The following GRM4 variants were observed in gnomAD, a reference collection of about 807,000 sequenced individuals.
GRM4 encodes metabotropic glutamate receptor 4.
In GRM4, 28 loss-of-function variants were observed where a neutral mutation model predicts 81.7. The observed-to-expected ratio is 0.34, with a 90% CI of 0.25 to 0.47. GRM4 has a LOEUF of 0.47. Among genes scored for constraint, GRM4 ranks in the 20% least tolerant of loss-of-function variants. The pLI is 1.00. For missense variants in GRM4, 948 were observed against 1,290.0 expected (o/e 0.73, Z 4.06); for synonymous variants, 488 against 528.8 (o/e 0.92, Z 1.06).
intron 2 of GRM4, among the ~76,000 whole-genome samples, chr6:34,094,778 G>T (rs976277578): frequency 3.9e-4 from 60 of 152,150 alleles, no homozygotes; most frequent in Non-Finnish European, 7.8e-4. Flanking sequence ...CCTCCCACCA[G>T]TCCTTGATTC....
chr6:34,050,083 A>G (rs1047610342), intron 6 of GRM4, among the ~76,000 whole-genome samples: 1 of 152,084 alleles, frequency 6.6e-6, no homozygotes, highest in Non-Finnish European at 1.5e-5. Context: ...TTGCTCCCCC[A>G]TGACCCTATC....
chr6:34,084,565 A>C (rs1223440813), intron 3 of GRM4, among the ~76,000 whole-genome samples: 2 of 152,142 alleles, frequency 1.3e-5, no homozygotes, highest in Non-Finnish European at 2.9e-5. Flanking sequence ...CAGGGCCCTG[A>C]GCAAGTTAGG....
rs1166630090 is a variant in GRM4, at chr6:34,022,352, C to T, written c.*469G>A. 2.9e-5 allele frequency: 5 copies of T among 171,982 alleles called. No homozygotes were observed. The highest frequency in any genetic ancestry group is 5.0e-5 in the Non-Finnish European group (4 of 80,532). 10.7% of individuals were successfully genotyped at this position (171,982 alleles called of 1,614,324 possible). A position where few individuals can be genotyped will look rare whatever the true frequency, so the allele number is the denominator to read the frequency against. The stretch of plus-strand genomic sequence containing the variant: ...GGACAAAGAGGATGAGAGAGAGAGG[C>T]GGAGGCAAGAGCCAGAAAGGAGACA... On this transcript the variant is annotated 3_prime_UTR_variant, in exon 11 of 11. Coordinates refer to ENST00000538487, the MANE Select transcript of GRM4 (RefSeq NM_000841.4). The surrounding 1 kb of genome is among the most constrained non-coding windows in gnomAD (Gnocchi z 5.6).
In GRM4 at chr6:34,036,146, C is replaced by T. The variant is rs1185218379; in HGVS notation, c.1964G>A (p.Arg655His). ...CATCCCTAGTCCCAGGAAGATTCGGCGCAGCGAGCAGGTGCCAAGGTCGGG... is the reference window on the plus strand; with the variant it reads ...CATCCCTAGTCCCAGGAAGATTCGGTGCAGCGAGCAGGTGCCAAGGTCGGG... Reference protein sequence around the residue: ...AEPDLGTCSLRRIFLGLGMSI... With the variant: ...AEPDLGTCSLHRIFLGLGMSI... Residue 655 changes from arginine (R) to histidine (H), a missense_variant, in exon 9 of 11, where the codon CGC becomes CAC. Arg to His is a conservative substitution (Grantham distance 29, BLOSUM62 0). Coordinates refer to ENST00000538487, the MANE Select transcript of GRM4 (RefSeq NM_000841.4). This position sits in a 1 kb window ranked among gnomAD's most constrained non-coding sequence, Gnocchi z 9.0. 6 of 1,614,032 alleles carry T rather than the reference C, an allele frequency of 3.7e-6. No homozygotes were observed. Among genetic ancestry groups the T allele is most frequent in the African/African-American group, 1.3e-5 (1 of 74,910 alleles).
At chr6:34,132,206 G>A (rs577409385) in intron 2 of GRM4, among the ~76,000 whole-genome samples, 1 of 152,128 alleles carries the variant, frequency 6.6e-6, no homozygotes, top group Non-Finnish European at 1.5e-5. Context: ...AGAAGGAAAG[G>A]GAGAAAGGTG....
At chr6:34,032,028 C>T (rs138982293) in intron 9 of GRM4, among the ~76,000 whole-genome samples, 4 of 151,358 alleles carry the variant, frequency 2.6e-5, no homozygotes, top group Non-Finnish European at 5.9e-5. Context: ...CACACATATA[C>T]ATAGACACAA....
At chr6:34,085,077 G>T (rs1767816791) in intron 3 of GRM4, among the ~76,000 whole-genome samples, 1 of 152,210 alleles carries the variant, frequency 6.6e-6, no homozygotes, top group Admixed American at 6.5e-5. Flanking sequence ...TCACGCTGGG[G>T]CTGGGAACGT....
intron 3 of GRM4, among the ~76,000 whole-genome samples, chr6:34,072,781 G>GATACAC: frequency 7.6e-5 from 1 of 13,208 alleles, no homozygotes; most frequent in Admixed American, 8.4e-4. Context: ...ACCACACACA[G>GATACAC]ACCCAAACAC....
At chr6:34,125,989 C>T (rs1348867240) in intron 2 of GRM4, among the ~76,000 whole-genome samples, 1 of 152,240 alleles carries the variant, frequency 6.6e-6, no homozygotes, top group Non-Finnish European at 1.5e-5. Context: ...CCCTGAGCAC[C>T]TCCTGAGGGC....
chr6:34,098,968 A>C (rs1463051502), intron 2 of GRM4, among the ~76,000 whole-genome samples: 1 of 150,688 alleles, frequency 6.6e-6, no homozygotes, highest in Non-Finnish European at 1.5e-5. Context: ...AGCCGGTCTC[A>C]CCTGCACCTC....
At position 34,042,670 on chromosome 6, in the gene GRM4, C is replaced by A. The variant is rs1765072033; in HGVS notation, c.1169-1922G>T. On this transcript the variant is annotated intron_variant, in intron 6 of 10. Coordinates refer to ENST00000538487, the MANE Select transcript of GRM4 (RefSeq NM_000841.4). The surrounding 1 kb of genome is among the most constrained non-coding windows in gnomAD (Gnocchi z 4.2). ...GAGGGCAGCAGGGTGCACACCTGCA[C>A]CTGTGTCCTGCCCCCATAGGCCAGG... Among the ~76,000 whole-genome samples the A allele has an allele frequency of 6.6e-6, 1 of 152,210 alleles. No homozygotes were observed. Among genetic ancestry groups the A allele is most frequent in the South Asian group, 2.1e-4 (1 of 4,824 alleles).
At chr6:34,027,040 G>A (rs1264870369) in intron 10 of GRM4, among the ~76,000 whole-genome samples, 1 of 152,180 alleles carries the variant, frequency 6.6e-6, no homozygotes, top group South Asian at 2.1e-4. Flanking sequence ...AAGGCCAAAG[G>A]TGGGAGTCCC....
chr6:34,133,938 G>T lies in GRM4; in HGVS notation c.-363-79C>A. 1.6e-6 allele frequency: 1 copy of T among 610,224 alleles called. No homozygotes were observed. Among genetic ancestry groups the T allele is most frequent in the Non-Finnish European group, 2.1e-6 (1 of 485,184 alleles). 37.8% of individuals were successfully genotyped at this position (610,224 alleles called of 1,614,324 possible). A position where few individuals can be genotyped will look rare whatever the true frequency, so the allele number is the denominator to read the frequency against. ...TAGCTAGTCTCATCTCTCATCAGGA[G>T]CCTGAGAGAAGGAGATGCTAGAGGT... On this transcript the variant is annotated intron_variant, in intron 1 of 10. Coordinates refer to ENST00000538487, the MANE Select transcript of GRM4 (RefSeq NM_000841.4). This position sits in a 1 kb window ranked among gnomAD's most constrained non-coding sequence, Gnocchi z 6.5.
At chr6:34,086,459 G>T (rs1475505700) in intron 3 of GRM4, among the ~76,000 whole-genome samples, 1 of 152,190 alleles carries the variant, frequency 6.6e-6, no homozygotes, top group African/African-American at 2.4e-5. Context: ...AGAATTTCCT[G>T]CTGTTCAAGG....
At position 34,028,124 on chromosome 6, in the gene GRM4, G is replaced by T. The variant is rs375351534; in HGVS notation, c.2685C>A (p.Ala895=). The change falls in exon 10 of 11, where the codon GCC becomes GCA. Residue 895 remains alanine, a synonymous_variant. Transcript: ENST00000538487. ...AKSELCENLE[A]PALATKQTYV... ...AGAACGGGGCCAGGCACTCACCTGGGGCCTCAAGGTTCTCGCAGAGCTCAG... is the reference window on the plus strand; with the variant it reads ...AGAACGGGGCCAGGCACTCACCTGGTGCCTCAAGGTTCTCGCAGAGCTCAG... 57 of 1,611,370 alleles carry T rather than the reference G, an allele frequency of 3.5e-5. No individual in the cohort carries two copies. The African/African-American group carries it at 6.0e-4, about 17-fold the overall frequency.
rs1017309411 is a variant in GRM4 at position 34,048,906 on chromosome 6, C to G, written c.1168+7638G>C. Among the ~76,000 whole-genome samples, 35 of 152,128 alleles carry G rather than the reference C, an allele frequency of 2.3e-4. No individual in the cohort carries two copies. Among genetic ancestry groups the G allele is most frequent in the African/African-American group, 6.5e-4 (27 of 41,394 alleles). ...CTGTACAGCCTGCAGAACTGTGAGC[C>G]AATTAAACCTCCTGTCTTCATAAAT... On this transcript the variant is annotated intron_variant, in intron 6 of 10. Transcript: ENST00000538487. This position sits in a 1 kb window ranked among gnomAD's most constrained non-coding sequence, Gnocchi z 4.0.
intron 2 of GRM4, among the ~76,000 whole-genome samples, chr6:34,116,913 A>G (rs1174504375): frequency 6.6e-6 from 1 of 152,242 alleles, no homozygotes; most frequent in Non-Finnish European, 1.5e-5. Context: ...GAAGCTGGAC[A>G]TAAAAACCTT....
intron 6 of GRM4, among the ~76,000 whole-genome samples, chr6:34,041,173 GC>G (rs1017661511): frequency 6.6e-6 from 1 of 152,178 alleles, no homozygotes; most frequent in African/African-American, 2.4e-5. Flanking sequence ...CAGGACAGGG[GC>G]TATGTCCATC....
At chr6:34,103,287 C>T (rs1212523645) in intron 2 of GRM4, among the ~76,000 whole-genome samples, 1 of 152,218 alleles carries the variant, frequency 6.6e-6, no homozygotes, top group East Asian at 1.9e-4. Context: ...CCAGAAAGCT[C>T]TTTATTCAGT....
Sources: gnomAD v4.1 joint callset for allele counts (sites outside exome capture counted in the v4.1 genomes callset) on GRCh38, gnomAD v4.1.1 for gene constraint, Gnocchi (gnomAD v3.1) non-coding constraint, MANE v1.5 for transcripts, NCBI Gene and HGNC (gene_info 2026-07-23, HGNC 2026-07-21) for gene names.